IDI1: variants seen among roughly 807,000 people sequenced by gnomAD.
The protein encoded by IDI1 is isopentenyl-diphosphate delta isomerase 1.
Under a neutral mutation model 32.9 loss-of-function variants are expected in IDI1, and 23 were observed. That is an observed-to-expected ratio of 0.70 (90% confidence interval 0.50 to 0.99). The LOEUF (loss-of-function observed/expected upper bound fraction) is 0.99, where lower values mean the gene tolerates loss of function less well. Ranked by LOEUF, IDI1 falls within the 50% of genes least tolerant of loss-of-function variation. The probability of loss-of-function intolerance (pLI) is 0.00; values close to 1 mark genes in which losing one functional copy is unlikely to be tolerated. For missense variants in IDI1, 326 were observed against 351.9 expected, an observed-to-expected ratio of 0.93 and a Z score of 0.59; for synonymous variants, 133 against 128.2, an observed-to-expected ratio of 1.04 and a Z score of -0.25.
At chr10:1,042,928 A>G (rs1235518974) in intron 3 of IDI1, among the ~76,000 whole-genome samples, 166 bp from the exon 4 acceptor site, 1 of 152,240 alleles carries the variant, frequency 6.6e-6, no homozygotes, top group African/African-American at 2.4e-5. Flanking sequence ...AATTGGTTAT[A>G]ATGGGCTATC....
the IDI1 span, chr10:1,056,323 A>G: frequency 6.6e-6 from 1 of 152,286 alleles, no homozygotes; most frequent in Non-Finnish European, 1.5e-5. Flanking sequence ...CGCAGGGAAC[A>G]GCTGATTCTG....
At chr10:1,048,430 G>T in intron 1 of IDI1, 1 of 1,290,658 alleles carries the variant, frequency 7.7e-7, no homozygotes, top group Admixed American at 2.4e-5. Flanking sequence ...CGTCACACGC[G>T]TGGACTCGGC....
chr10:1,044,084 C>T lies in IDI1; in HGVS notation c.228G>A (p.Glu76=). 6.2e-7 allele frequency: 1 copy of T among 1,613,638 alleles called. No homozygotes were observed. The highest frequency in any genetic ancestry group is 1.1e-5 in the South Asian group (1 of 91,050). ...CATTTTCATCAATAAGGATACACAT[C>T]TCTGCCAGGAGTTGAACCTGTTGCT... ...LDKQQVQLLA[E]MCILIDENDN... Residue 76 remains glutamate, a synonymous_variant, in exon 2 of 5, where the codon GAG becomes GAA. Transcript: ENST00000381344.
upstream of IDI1, chr10:1,049,315 A>T: frequency 1.0e-5 from 4 of 392,536 alleles, no homozygotes; most frequent in Non-Finnish European, 1.4e-5. Flanking sequence ...CTCGCGTTCC[A>T]TGGAGGAAGC....
intron 1 of IDI1, among the ~76,000 whole-genome samples, chr10:1,045,781 C>G (rs1249279629): frequency 1.3e-5 from 2 of 152,162 alleles, no homozygotes; most frequent in African/African-American, 4.8e-5. Context: ...GAAATACTTT[C>G]AACAGAGTTC....
chr10:1,048,705 C>A (rs932940234), intron 1 of IDI1, 159 bp downstream of exon 1: 9 of 1,422,788 alleles, frequency 6.3e-6, no homozygotes, highest in Non-Finnish European at 8.2e-6. Flanking sequence ...CGGCCTCCCT[C>A]CAGTTCGGGA....
At chr10:1,054,559 T>C in the IDI1 span, among the ~76,000 whole-genome samples, 3 of 152,334 alleles carry the variant, frequency 2.0e-5, no homozygotes, top group South Asian at 4.1e-4. Flanking sequence ...AAATAGAAAT[T>C]GGTTTTCTGA....
At position 1,048,996 on chromosome 10, in the gene IDI1, C is replaced by G; in HGVS notation, c.8G>C (p.Arg3Pro). The change falls in exon 1 of 5, where the codon CGT becomes CCT. Residue 3 changes from arginine to proline, a missense_variant. By Grantham distance (103) the Arg-to-Pro change is moderately radical. This residue lies in a region of IDI1 where 121 missense variants were observed against 78.4 expected (regional missense o/e 1.54). Transcript: ENST00000381344. ...AATCGCTCGCGCCAGCGCCAGTCCACGCCACATCGCCCGGCCAATTGGCGC... is the reference window on the plus strand; with the variant it reads ...AATCGCTCGCGCCAGCGCCAGTCCAGGCCACATCGCCCGGCCAATTGGCGC... MW[R>P]GLALARAIGC... The G allele has an allele frequency of 6.7e-7, 1 of 1,498,648 alleles. No individual in the cohort carries two copies. The highest frequency in any genetic ancestry group is 8.8e-7 in the Non-Finnish European group (1 of 1,132,776). 92.8% of individuals were successfully genotyped at this position (1,498,648 alleles called of 1,614,324 possible).
chr10:1,044,054 A>G lies in IDI1; in HGVS notation c.258T>C (p.Asn86=). 2 of 1,613,402 alleles carry G rather than the reference A, an allele frequency of 1.2e-6. No individual in the cohort carries two copies. Among genetic ancestry groups the G allele is most frequent in the Non-Finnish European group, 1.7e-6 (2 of 1,179,712 alleles). ...TCTTCTTGGTCTCAGCTCCAATTTT[A>G]TTGTCATTTTCATCAATAAGGATAC... ...EMCILIDEND[N]KIGAETKKNC... is the part of the protein sequence containing the mutation. Residue 86 remains asparagine, a synonymous_variant, in exon 2 of 5, where the codon AAT becomes AAC. Transcript: ENST00000381344.
intron 1 of IDI1, chr10:1,048,498 C>A: frequency 1.6e-6 from 2 of 1,247,436 alleles, no homozygotes; most frequent in Non-Finnish European, 2.0e-6. Context: ...ACGCTTGTTT[C>A]TGAATTCTCT....
chr10:1,042,547 C>A (rs940420682), intron 4 of IDI1, 85 bp downstream of exon 4: 2 of 1,345,274 alleles, frequency 1.5e-6, no homozygotes, highest in African/African-American at 2.9e-5. Context: ...CAGAGAACTA[C>A]ATTTGAATTT....
upstream of IDI1, among the ~76,000 whole-genome samples, chr10:1,052,782 C>T (rs538370579): frequency 1.5e-3 from 228 of 152,320 alleles, 1 homozygote; most frequent in African/African-American, 5.2e-3. Context: ...CTGGCTTCAA[C>T]ATAAAGTCAT....
chr10:1,055,273 T>G, the IDI1 span, among the ~76,000 whole-genome samples: 1 of 152,224 alleles, frequency 6.6e-6, no homozygotes, highest in Non-Finnish European at 1.5e-5. Context: ...CTTTGGGGAT[T>G]AAATTAGTTA....
At chr10:1,052,041 TTTTG>T (rs1412114738), upstream of IDI1, among the ~76,000 whole-genome samples, 1 of 152,190 alleles carries the variant, frequency 6.6e-6, no homozygotes, top group Non-Finnish European at 1.5e-5. Flanking sequence ...CCCGGCTAAT[TTTTG>T]TATTATTAGT....
At chr10:1,056,166 C>T in the IDI1 span, among the ~76,000 whole-genome samples, 1 of 152,122 alleles carries the variant, frequency 6.6e-6, no homozygotes, top group African/African-American at 2.4e-5. Flanking sequence ...AAAAAAAATG[C>T]TTTCACGCTC....
rs1364559885 is a variant in IDI1, at chr10:1,048,959, G to C, written c.45C>G (p.Ala15=). 16 of 1,559,354 alleles carry C rather than the reference G, an allele frequency of 1.0e-5. No homozygotes were observed. In the South Asian group the frequency reaches 1.7e-4, roughly 17 times the overall value. The change falls in exon 1 of 5, where the codon GCC becomes GCG. Residue 15 remains alanine, a synonymous_variant. Transcript: ENST00000381344. Reference sequence around the variant, plus strand: ...GCACCGCCCACTGGCCCCGCCCCCGGGCCGCGCAGCCAATCGCTCGCGCCA... The same window carrying C: ...GCACCGCCCACTGGCCCCGCCCCCGCGCCGCGCAGCCAATCGCTCGCGCCA... The part of the protein sequence containing the change: ...LALARAIGCA[A]RGRGQWAVRA...
At chr10:1,043,136 T>C (rs1430480957) in intron 3 of IDI1, among the ~76,000 whole-genome samples, 165 bp downstream of exon 3, 2 of 152,228 alleles carry the variant, frequency 1.3e-5, no homozygotes, top group African/African-American at 2.4e-5. Context: ...TATTTTTTCT[T>C]GCTGTTGTAT....
At chr10:1,055,996 A>G in the IDI1 span, among the ~76,000 whole-genome samples, 1 of 152,140 alleles carries the variant, frequency 6.6e-6, no homozygotes, top group Non-Finnish European at 1.5e-5. Flanking sequence ...TTTAGTAAAG[A>G]CAGGGTTTCA....
Position 1,044,186 on chromosome 10 carries a change from A to C in IDI1, c.141-15T>G. ...GTTCTAGAACACTAATATTAAAGGAAAAGAGAAAGAAAGGCCATCATATAT... is the reference window on the plus strand; with the variant it reads ...GTTCTAGAACACTAATATTAAAGGACAAGAGAAAGAAAGGCCATCATATAT... On this transcript the variant is annotated splice_polypyrimidine_tract_variant and intron_variant, in intron 1 of 4. Coordinates refer to ENST00000381344, the MANE Select transcript of IDI1 (RefSeq NM_004508.4). 1 of 1,576,542 alleles carries C rather than the reference A, an allele frequency of 6.3e-7. No homozygotes were observed. The highest frequency in any genetic ancestry group is 8.7e-7 in the Non-Finnish European group (1 of 1,155,662).
Sources: gnomAD v4.1 joint callset for allele counts (sites outside exome capture counted in the v4.1 genomes callset) on GRCh38, gnomAD v4.1.1 for gene constraint, gnomAD v4.1.1 regional missense constraint, MANE v1.5 for transcripts, NCBI Gene and HGNC (gene_info 2026-07-23, HGNC 2026-07-21) for gene names.